The following TDRD12 variants were observed in gnomAD, a reference collection of about 807,000 sequenced individuals.
TDRD12 encodes putative ATP-dependent RNA helicase TDRD12.
TDRD12 carries 158 observed loss-of-function variants against 133.5 expected under a neutral mutation model. The observed-to-expected ratio is 1.18, with a 90% confidence interval of 1.04 to 1.35. TDRD12 has a LOEUF of 1.35. Ranked by LOEUF, TDRD12 falls within the 40% of genes most tolerant of loss-of-function variation. TDRD12 has a pLI of 0.00. For missense variants in TDRD12, 1,443 were observed against 1,321.3 expected (o/e 1.09, Z -1.43); for synonymous variants, 460 against 477.9 (o/e 0.96, Z 0.49).
At chr19:32,784,800 G>A (rs1970860759) in intron 11 of TDRD12, among the ~76,000 whole-genome samples, 2 of 152,158 alleles carry the variant, frequency 1.3e-5, no homozygotes, top group South Asian at 4.1e-4. Flanking sequence ...TCTGATGGTA[G>A]TTTGTATTTC....
intron 24 of TDRD12, 77 bp downstream of exon 24, chr19:32,811,497 T>C: frequency 7.5e-7 from 1 of 1,334,256 alleles, no homozygotes; most frequent in Non-Finnish European, 1.0e-6. Context: ...AATTGAGGCC[T>C]GTCTGGATTT....
rs200366370 is a variant in TDRD12 at position 32,734,547 on chromosome 19, A to AT, written c.183+2670dup. On this transcript the variant is annotated intron_variant, in intron 2 of 27. Transcript: ENST00000444215. ...CACCACACCTGGCTAATTTTTTTGT[A>AT]TTTTTTGTGGTGACAGGGTTTCGCC... 9.8e-3 allele frequency among the ~76,000 whole-genome samples: 1,477 copies of AT among 151,258 alleles called. 24 individuals carry two copies. Among genetic ancestry groups the AT allele is most frequent in the Non-Finnish European group, 0.011 (734 of 67,806 alleles).
chr19:32,815,324 C>A, intron 25 of TDRD12, 124 bp from the exon 26 acceptor site: 1 of 761,536 alleles, frequency 1.3e-6, no homozygotes. Flanking sequence ...CACGTTGTGG[C>A]AAGCGCCGAA....
intron 21 of TDRD12, 25 bp from the exon 22 acceptor site, chr19:32,807,524 A>G: frequency 7.0e-7 from 1 of 1,431,026 alleles, no homozygotes; most frequent in Non-Finnish European, 9.3e-7. Flanking sequence ...CTTACTTATG[A>G]TAAGTCTAGT....
chr19:32,813,132 C>T (rs545684064), intron 24 of TDRD12, among the ~76,000 whole-genome samples: 6 of 152,120 alleles, frequency 3.9e-5, no homozygotes, highest in African/African-American at 9.6e-5. Context: ...GCTATGATTG[C>T]GCCACTGCAC....
In TDRD12 at chr19:32,789,219, G is replaced by A. The variant is rs113084881; in HGVS notation, c.1122-1312G>A. ...GTCAGGCCTCCCGCGGCTGGCTCAG[G>A]GTCAACTGTCTTGGGGCTGTTACCA... On this transcript the variant is annotated intron_variant, in intron 11 of 27. Transcript: ENST00000444215. Among the ~76,000 whole-genome samples, 27 of 152,270 alleles carry A rather than the reference G, an allele frequency of 1.8e-4. 1 individual carries two copies. The highest frequency in any genetic ancestry group is 6.5e-4 in the African/African-American group (27 of 41,544).
In TDRD12 at chr19:32,800,550, A is replaced by G. The variant is rs117792586; in HGVS notation, c.1951-94A>G. On this transcript the variant is annotated intron_variant, in intron 17 of 27. Transcript: ENST00000444215. ...TTAAATTTATATTGATTTCCTATAC[A>G]TTCTTTTCTATTAAAATCCCAACAC... The G allele has an allele frequency of 9.1e-3, 9,873 of 1,084,744 alleles. 60 individuals are homozygous for G. Among genetic ancestry groups the G allele is most frequent in the Middle Eastern group, 0.014 (63 of 4,618 alleles). The allele number at this position is 1,084,744 out of a possible 1,614,324, so 67.2% of individuals were successfully genotyped here.
At chr19:32,740,799 G>A (rs1969402597) in intron 3 of TDRD12, among the ~76,000 whole-genome samples, 1 of 152,194 alleles carries the variant, frequency 6.6e-6, no homozygotes, top group Admixed American at 6.5e-5. Context: ...TGGTTGTCCT[G>A]CTTAAATGAG....
At chr19:32,776,794 T>A (rs1014363638) in intron 10 of TDRD12, among the ~76,000 whole-genome samples, 1 of 152,246 alleles carries the variant, frequency 6.6e-6, no homozygotes, top group Non-Finnish European at 1.5e-5. Context: ...CACAGAAATG[T>A]GCTTATGTAG....
Position 32,789,755 on chromosome 19 carries a change from G to T in TDRD12, c.1122-776G>T, listed in dbSNP as rs533331914. 2.0e-5 allele frequency among the ~76,000 whole-genome samples: 3 copies of T among 152,252 alleles called. No homozygotes were observed. The East Asian group carries it at 5.8e-4, about 29-fold the overall frequency. Reference sequence around the variant, plus strand: ...GTGGCTCACGCCTATAATCCCAGCAGTTTGGGAAGCCGAGGCAGGCGGTTC... The same window carrying T: ...GTGGCTCACGCCTATAATCCCAGCATTTTGGGAAGCCGAGGCAGGCGGTTC... On this transcript the variant is annotated intron_variant, in intron 11 of 27. Coordinates refer to ENST00000444215, the Ensembl canonical transcript of TDRD12.
intron 8 of TDRD12, among the ~76,000 whole-genome samples, chr19:32,764,103 C>CTTTTTTTTTTTTTTT (rs5827820): frequency 1.4e-5 from 1 of 72,298 alleles, no homozygotes; most frequent in Admixed American, 2.2e-4. Context: ...TATTGTCCAT[C>CTTTTTTTTTTTTTTT]TTTTTTTTTT....
Position 32,749,828 on chromosome 19 carries a change from A to G in TDRD12, c.541A>G (p.Thr181Ala), listed in dbSNP as rs7260392. The G allele has an allele frequency of 4.6e-3, 7,081 of 1,550,730 alleles. 264 individuals are homozygous for G. In the African/African-American group the frequency reaches 0.082, roughly 18 times the overall value. ...CAGATTATGTGCTGTGGAAGAAGATACATTTGAGGTTTACCTTTATGTAAC... is the reference window on the plus strand; with the variant it reads ...CAGATTATGTGCTGTGGAAGAAGATGCATTTGAGGTTTACCTTTATGTAAC... Residue 181 changes from threonine (T) to alanine (A), a missense_variant, in exon 6 of 28, where the codon ACA (threonine) becomes GCA (alanine). Coordinates refer to ENST00000444215, the Ensembl canonical transcript of TDRD12.
At chr19:32,781,484 G>A (rs1432525268) in intron 11 of TDRD12, among the ~76,000 whole-genome samples, 1 of 152,044 alleles carries the variant, frequency 6.6e-6, no homozygotes, top group Non-Finnish European at 1.5e-5. Context: ...TGTTTTGGTG[G>A]AGAGCATCCT....
At chr19:32,811,379 A>G in exon 24 of TDRD12, 6 of 1,536,158 alleles carry the variant, frequency 3.9e-6, no homozygotes, top group Non-Finnish European at 5.2e-6. Context: ...TATTGTCTGT[A>G]GGGTGAAACC....
At chr19:32,817,666 T>C (rs1029799084) in intron 26 of TDRD12, among the ~76,000 whole-genome samples, 1 of 151,798 alleles carries the variant, frequency 6.6e-6, no homozygotes, top group African/African-American at 2.4e-5. Flanking sequence ...TGTATGATTT[T>C]TGGGGAACCT....
intron 16 of TDRD12, among the ~76,000 whole-genome samples, chr19:32,798,899 C>T (rs560777775): frequency 2.1e-4 from 32 of 152,136 alleles, no homozygotes; most frequent in Non-Finnish European, 4.3e-4. Context: ...TTGTGCAGGG[C>T]GCAGCAGCGT....
At chr19:32,748,077 G>T (rs886398948) in intron 4 of TDRD12, among the ~76,000 whole-genome samples, 8 of 152,148 alleles carry the variant, frequency 5.3e-5, no homozygotes, top group African/African-American at 1.9e-4. Context: ...GAGGGTGTCG[G>T]TGTACCAGCA....
At chr19:32,809,837 A>T (rs1720169795) in intron 22 of TDRD12, among the ~76,000 whole-genome samples, 1 of 152,270 alleles carries the variant, frequency 6.6e-6, no homozygotes, top group African/African-American at 2.4e-5. Flanking sequence ...ATACCTAATA[A>T]TGAAGTTTTA....
chr19:32,795,329 A>G (rs1241607878), intron 14 of TDRD12, among the ~76,000 whole-genome samples: 2 of 129,608 alleles, frequency 1.5e-5, no homozygotes, highest in African/African-American at 3.1e-5. Flanking sequence ...GCAAAACTCC[A>G]TCTCAGAAAA....
Sources: allele counts gnomAD v4.1 joint callset (sites outside exome capture counted in the v4.1 genomes callset), GRCh38; gene constraint gnomAD v4.1.1; transcripts MANE v1.5; gene names NCBI Gene and HGNC (gene_info 2026-07-23, HGNC 2026-07-21).